The following AKAP13 variants were observed in gnomAD, a reference collection of about 807,000 sequenced individuals.
AKAP13 encodes A-kinase anchor protein 13.
A neutral mutation model predicts 264.5 loss-of-function variants in AKAP13; 80 were observed. The observed-to-expected ratio is 0.30, with a 90% CI of 0.25 to 0.36. AKAP13 has a LOEUF of 0.36. Among genes scored for constraint, AKAP13 ranks in the 10% least tolerant of loss-of-function variants. AKAP13 has a pLI of 1.00. For missense variants in AKAP13, 3,712 were observed against 3,435.2 expected, an observed-to-expected ratio of 1.08 and a Z score of -2.01; for synonymous variants, 1,380 against 1,250.2, an observed-to-expected ratio of 1.10 and a Z score of -2.19.
chr15:85,490,246 A>C (rs1252384328), intron 2 of AKAP13, among the ~76,000 whole-genome samples: 1 of 152,220 alleles, frequency 6.6e-6, no homozygotes, highest in African/African-American at 2.4e-5. Flanking sequence ...TTATTAGACT[A>C]TAGGGAGTGA....
At chr15:85,679,926 G>T (rs756809402) in intron 14 of AKAP13, among the ~76,000 whole-genome samples, 27 of 152,154 alleles carry the variant, frequency 1.8e-4, no homozygotes, top group Non-Finnish European at 3.4e-4. Context: ...AGAGGCATTG[G>T]TGGATTAATT....
At position 85,562,574 on chromosome 15, in the gene AKAP13, A is replaced by AAT. The variant is rs1224541443; in HGVS notation, c.663-12526_663-12525dup. Among the ~76,000 whole-genome samples the AAT allele has an allele frequency of 2.5e-3, 194 of 77,658 alleles. 7 individuals are homozygous for AAT. The highest frequency in any genetic ancestry group is 3.9e-3 in the South Asian group (8 of 2,026). The allele number at this position is 77,658 out of a possible 152,430, so 50.9% of individuals were successfully genotyped here. On this transcript the variant is annotated intron_variant, in intron 5 of 36. Transcript: ENST00000394518. ...AGTGAGAATCTGCCTCAAAAAAAAA[A>AAT]ATATATATATATATATATATATATA...
At chr15:85,421,603 A>T (rs1229096884) in intron 1 of AKAP13, among the ~76,000 whole-genome samples, 1 of 151,934 alleles carries the variant, frequency 6.6e-6, no homozygotes, top group Non-Finnish European at 1.5e-5. Context: ...GCCTGTGCAC[A>T]CTCTCAACTT....
At chr15:85,485,513 G>T (rs2075510394) in intron 1 of AKAP13, among the ~76,000 whole-genome samples, 197 bp from the exon 2 acceptor site, 1 of 152,188 alleles carries the variant, frequency 6.6e-6, no homozygotes, top group African/African-American at 2.4e-5. Context: ...CACTTGAAAA[G>T]ATTGAGTCTG....
chr15:85,647,797 G>T (rs191845303), intron 10 of AKAP13, among the ~76,000 whole-genome samples: 1 of 152,072 alleles, frequency 6.6e-6, no homozygotes, highest in African/African-American at 2.4e-5. Context: ...TAGTGGTGGC[G>T]GGCACCTGTA....
In AKAP13 at chr15:85,719,308, G is replaced by A. The variant is rs2087136037; in HGVS notation, c.6234G>A (p.Gly2078=). The A allele has an allele frequency of 6.2e-7, 1 of 1,614,146 alleles. No homozygotes were observed. Among genetic ancestry groups the A allele is most frequent in the Non-Finnish European group, 8.5e-7 (1 of 1,180,014 alleles). ...AGAACTTTCTCATCAAGAGGATAGG[G>A]GATGTGCTTGTAAATCAGGTGAGAA... The part of the protein sequence containing the change: ...SEKNFLIKRI[G]DVLVNQFSGE... The change falls in exon 23 of 37, where the codon GGG becomes GGA. Residue 2078 remains glycine (G), a synonymous_variant. Transcript: ENST00000394518.
intron 12 of AKAP13, among the ~76,000 whole-genome samples, chr15:85,664,203 AGAGT>A (rs1160190327): frequency 1.3e-5 from 2 of 152,248 alleles, no homozygotes; most frequent in Non-Finnish European, 2.9e-5. Flanking sequence ...TGGCATTAGT[AGAGT>A]TAGATTCACA....
rs940569493 is a variant in AKAP13, at chr15:85,519,095, AT to A, written c.34-2321del. Among the ~76,000 whole-genome samples, 180 of 146,964 alleles carry A rather than the reference AT, an allele frequency of 1.2e-3. 1 individual carries two copies. The highest frequency in any genetic ancestry group is 2.6e-3 in the South Asian group (12 of 4,652). On this transcript the variant is annotated intron_variant, in intron 2 of 36. Transcript: ENST00000394518. ...AATACCAGGTTAGAAATCAAAGTGA[AT>A]TTTTTTTTTTTCCTGTAAAAGTCCA...
At chr15:85,690,201 T>G (rs2085201366) in intron 16 of AKAP13, 1 of 152,268 alleles carries the variant, frequency 6.6e-6, no homozygotes, top group Admixed American at 6.5e-5. Flanking sequence ...TGGGAAGAAC[T>G]AATTTGGATT....
At chr15:85,615,673 T>C (rs946464830) in intron 8 of AKAP13, among the ~76,000 whole-genome samples, 1 of 152,222 alleles carries the variant, frequency 6.6e-6, no homozygotes, top group East Asian at 1.9e-4. Context: ...TCCCATTTCA[T>C]GTGAAGAACA....
chr15:85,492,220 T>G (rs2075751313), intron 2 of AKAP13, among the ~76,000 whole-genome samples: 1 of 152,178 alleles, frequency 6.6e-6, no homozygotes, highest in Admixed American at 6.5e-5. Flanking sequence ...TGGGTTTTAT[T>G]TGAAATAACT....
chr15:85,733,143 G>T (rs2088177023), intron 30 of AKAP13, among the ~76,000 whole-genome samples: 1 of 152,172 alleles, frequency 6.6e-6, no homozygotes, highest in African/African-American at 2.4e-5. Context: ...TGTGCCTCAG[G>T]AAAGGTTCAT....
At chr15:85,660,753 C>T (rs1242718300) in intron 12 of AKAP13, among the ~76,000 whole-genome samples, 2 of 152,138 alleles carry the variant, frequency 1.3e-5, no homozygotes, top group Non-Finnish European at 2.9e-5. Context: ...GAAGTGTCTC[C>T]ACTATATTTT....
intron 18 of AKAP13, 34 bp from the exon 19 acceptor site, chr15:85,710,545 G>A (rs1227687175): frequency 6.2e-7 from 1 of 1,607,238 alleles, no homozygotes; most frequent in South Asian, 1.1e-5. Context: ...TGTCAGAGGT[G>A]AATTGTCAAT....
chr15:85,637,576 CCAG>C (rs1423701831), intron 8 of AKAP13, among the ~76,000 whole-genome samples: 1 of 151,948 alleles, frequency 6.6e-6, no homozygotes, highest in Non-Finnish European at 1.5e-5. Flanking sequence ...TTTTAAGGAA[CCAG>C]CTTTTGGTTT....
chr15:85,613,713 T>TATATGTATGTATATATATA (rs1254657975), intron 8 of AKAP13, among the ~76,000 whole-genome samples: 2 of 111,026 alleles, frequency 1.8e-5, no homozygotes, highest in African/African-American at 6.7e-5. Context: ...TATATATATA[T>TATATGTATGTATATATATA]TAGGAGTGCT....
In AKAP13 at chr15:85,463,746, T is replaced by G. The variant is rs113817880; in HGVS notation, c.-11-21964T>G. 3.0e-3 allele frequency among the ~76,000 whole-genome samples: 458 copies of G among 152,184 alleles called. 1 individual carries two copies. Among genetic ancestry groups the G allele is most frequent in the Admixed American group, 6.7e-3 (103 of 15,284 alleles). ...CTACATCAAAGGCAGTGAGTTCTAT[T>G]GATATCTGAGTCAGCTGCAACATAA... On this transcript the variant is annotated intron_variant, in intron 1 of 36. Coordinates refer to ENST00000394518, the MANE Select transcript of AKAP13 (RefSeq NM_007200.5).
rs370847771 is a variant in AKAP13, at chr15:85,396,962, A to G, written c.-12+16164A>G. Among the ~76,000 whole-genome samples the G allele has an allele frequency of 7.8e-4, 103 of 131,968 alleles. 2 individuals are homozygous for G. In the South Asian group the frequency reaches 0.012, roughly 15 times the overall value. 86.6% of individuals were successfully genotyped at this position (131,968 alleles called of 152,430 possible). A position where few individuals can be genotyped will look rare whatever the true frequency, so the allele number is the denominator to read the frequency against. On this transcript the variant is annotated intron_variant, in intron 1 of 36. Coordinates refer to ENST00000394518, the MANE Select transcript of AKAP13 (RefSeq NM_007200.5). ...TCTTAAGTACCAGCACAGGAATGCT[A>G]TGATTTATACATAATTATTTTTGTT...
At chr15:85,664,423 C>T in intron 12 of AKAP13, 140 bp from the exon 13 acceptor site, 1 of 755,666 alleles carries the variant, frequency 1.3e-6, no homozygotes, top group East Asian at 2.6e-5. Context: ...ATTCTTTGTG[C>T]CATGCCCTTT....
Sources: gnomAD v4.1 joint callset for allele counts (sites outside exome capture counted in the v4.1 genomes callset) on GRCh38, gnomAD v4.1.1 for gene constraint, MANE v1.5 for transcripts, NCBI Gene and HGNC (gene_info 2026-07-23, HGNC 2026-07-21) for gene names.